Variants in USP25 observed in about 807,000 individuals in gnomAD.
The protein encoded by USP25 is ubiquitin specific peptidase 25.
A neutral mutation model predicts 158.5 loss-of-function variants in USP25; 85 were observed. That is an observed-to-expected ratio of 0.54 (90% CI 0.45 to 0.64). USP25 has a LOEUF of 0.64. Ranked by LOEUF, USP25 falls within the 30% of genes least tolerant of loss-of-function variation. The pLI, the probability that USP25 is intolerant of heterozygous loss-of-function variation, is 0.00. For missense variants in USP25, 1,242 were observed against 1,327.3 expected (o/e 0.94, Z 1.00); for synonymous variants, 464 against 460.4 (o/e 1.01, Z -0.10).
At chr21:15,872,207 G>A (rs572540391) in intron 23 of USP25, among the ~76,000 whole-genome samples, 1 of 152,030 alleles carries the variant, frequency 6.6e-6, no homozygotes, top group South Asian at 2.1e-4. Flanking sequence ...AATCATGGTT[G>A]CAAGAACCAT....
intron 14 of USP25, among the ~76,000 whole-genome samples, 167 bp downstream of exon 14, chr21:15,827,370 C>T (rs1009859089): frequency 2.6e-5 from 4 of 152,102 alleles, no homozygotes; most frequent in Admixed American, 1.3e-4. Context: ...TTTTTATAAT[C>T]TCAATATCAG....
chr21:15,774,489 C>CT (rs1003339219), intron 3 of USP25, among the ~76,000 whole-genome samples: 122 of 149,658 alleles, frequency 8.2e-4, no homozygotes, highest in Middle Eastern at 3.4e-3. Context: ...AACAGGCTCA[C>CT]TTTTTTTTTT....
intron 4 of USP25, among the ~76,000 whole-genome samples, chr21:15,789,083 T>C (rs932954827): frequency 2.0e-5 from 3 of 152,034 alleles, no homozygotes; most frequent in Non-Finnish European, 4.4e-5. Flanking sequence ...AGAAAGTACA[T>C]TTGAGGCCAC....
At chr21:15,841,666 T>G (rs1408461068) in intron 17 of USP25, among the ~76,000 whole-genome samples, 3 of 152,140 alleles carry the variant, frequency 2.0e-5, no homozygotes, top group Non-Finnish European at 4.4e-5. Flanking sequence ...TTGTCAAAAT[T>G]TATATATATG....
At chr21:15,820,319 T>A (rs1258774026) in intron 10 of USP25, among the ~76,000 whole-genome samples, 1 of 152,052 alleles carries the variant, frequency 6.6e-6, no homozygotes, top group African/African-American at 2.4e-5. Context: ...CTTTTAAAAA[T>A]TTTTATTGTA....
At chr21:15,853,478 GT>G (rs886691354) in intron 20 of USP25, among the ~76,000 whole-genome samples, 2 of 152,002 alleles carry the variant, frequency 1.3e-5, no homozygotes, top group Non-Finnish European at 2.9e-5. Flanking sequence ...ATTTGAATTA[GT>G]TTAGAGTACT....
rs150211023 is a variant in USP25 at position 15,766,955 on chromosome 21, T to G, written c.268+814T>G. Among the ~76,000 whole-genome samples the G allele has an allele frequency of 6.6e-6, 1 of 152,210 alleles. No homozygotes were observed. Among genetic ancestry groups the G allele is most frequent in the East Asian group, 1.9e-4 (1 of 5,188 alleles). Reference sequence around the variant, plus strand: ...CGTTTACATAGATGTTTATTAATGTTTATTGATAAAATATTTTAATTTTTA... The same window carrying G: ...CGTTTACATAGATGTTTATTAATGTGTATTGATAAAATATTTTAATTTTTA... On this transcript the variant is annotated intron_variant, in intron 3 of 25. Transcript: ENST00000400183. The surrounding 1 kb of genome is among the most constrained non-coding windows in gnomAD (Gnocchi z 4.0).
chr21:15,736,659 C>CT (rs2031550781), intron 1 of USP25, among the ~76,000 whole-genome samples: 1 of 150,800 alleles, frequency 6.6e-6, no homozygotes, highest in Admixed American at 6.6e-5. Flanking sequence ...ACATTAATAG[C>CT]TTTTTTCGGT....
intron 1 of USP25, among the ~76,000 whole-genome samples, chr21:15,745,797 C>T (rs2032507158): frequency 6.6e-6 from 1 of 152,074 alleles, no homozygotes; most frequent in Non-Finnish European, 1.5e-5. Context: ...TTTCTTGAAA[C>T]TTAGTTTGTA....
intron 1 of USP25, among the ~76,000 whole-genome samples, chr21:15,760,123 C>G (rs185833014): frequency 1.6e-3 from 249 of 152,366 alleles, no homozygotes; most frequent in African/African-American, 5.6e-3. Flanking sequence ...TTCATTTTCA[C>G]AGCAGCCTTT....
At chr21:15,811,042 GTT>G in intron 8 of USP25, 93 bp from the exon 9 acceptor site, 1 of 1,096,898 alleles carries the variant, frequency 9.1e-7, no homozygotes, top group Admixed American at 2.3e-5. Context: ...CCACATAAGT[GTT>G]TTTGTCTTGT....
chr21:15,878,503 A>G lies in USP25; in HGVS notation c.*28A>G, dbSNP rs2146624310. On this transcript the variant is annotated 3_prime_UTR_variant, in exon 26 of 26. Coordinates refer to ENST00000400183, the MANE Select transcript of USP25 (RefSeq NM_001283041.3). Reference sequence around the variant, plus strand: ...TGCACACTTTCCCTGAACACACTGTATAAACTCTTTTTAGTTCTTAACCCT... The same window carrying G: ...TGCACACTTTCCCTGAACACACTGTGTAAACTCTTTTTAGTTCTTAACCCT... 1.3e-6 allele frequency: 2 copies of G among 1,597,110 alleles called. No individual in the cohort carries two copies. Among genetic ancestry groups the G allele is most frequent in the Non-Finnish European group, 8.5e-7 (1 of 1,170,202 alleles).
chr21:15,871,128 C>T (rs530013308), intron 23 of USP25, among the ~76,000 whole-genome samples: 2 of 152,132 alleles, frequency 1.3e-5, no homozygotes, highest in East Asian at 3.9e-4. Context: ...TAATAGTTAT[C>T]AAAATTTTTA....
intron 2 of USP25, among the ~76,000 whole-genome samples, chr21:15,765,097 C>T (rs1423370179): frequency 6.6e-6 from 1 of 152,136 alleles, no homozygotes; most frequent in Non-Finnish European, 1.5e-5. Flanking sequence ...AAACACTCCA[C>T]TGGCTTCTTA....
intron 4 of USP25, among the ~76,000 whole-genome samples, chr21:15,778,753 C>T (rs2034796548): frequency 6.6e-6 from 1 of 151,992 alleles, no homozygotes; most frequent in South Asian, 2.1e-4. Flanking sequence ...ATTTAATAAG[C>T]CATAAAGTTG....
At chr21:15,755,645 A>G (rs1431997389) in intron 1 of USP25, among the ~76,000 whole-genome samples, 3 of 152,180 alleles carry the variant, frequency 2.0e-5, no homozygotes, top group African/African-American at 7.2e-5. Context: ...AAATGAGAGT[A>G]TATATTGGAA....
chr21:15,847,715 T>C lies in USP25; in HGVS notation c.2390T>C (p.Val797Ala), dbSNP rs1291318135. Reference protein sequence around the residue: ...QPLSNQRVVEVAIPHVGKFMI... With the variant: ...QPLSNQRVVEAAIPHVGKFMI... ...CTTTCTAATCAGCGAGTTGTAGAGG[T>C]GGCGATCCCTCATGTAGGGAAATTT... The change falls in exon 19 of 26, where the codon GTG becomes GCG. Residue 797 changes from valine (V) to alanine (A), a missense_variant. Val to Ala is a moderately conservative substitution (Grantham distance 64). Around this residue, in one of 3 missense-constraint regions of USP25, gnomAD observed 608 missense variants for 605.2 expected, o/e 1.00. Coordinates refer to ENST00000400183, the MANE Select transcript of USP25 (RefSeq NM_001283041.3). 75 of 1,550,062 alleles carry C rather than the reference T, an allele frequency of 4.8e-5. No homozygotes were observed. The highest frequency in any genetic ancestry group is 6.1e-5 in the Non-Finnish European group (70 of 1,146,696).
intron 7 of USP25, among the ~76,000 whole-genome samples, chr21:15,807,231 A>G (rs1397016802): frequency 6.6e-6 from 1 of 152,206 alleles, no homozygotes; most frequent in Non-Finnish European, 1.5e-5. Context: ...CTTGGCCCCA[A>G]TTGATACTGT....
rs181566934 is a variant in USP25 at position 15,874,885 on chromosome 21, A to G, written c.3009+359A>G. Among the ~76,000 whole-genome samples, 316 of 152,310 alleles carry G rather than the reference A, an allele frequency of 2.1e-3. 3 individuals carry two copies. Among genetic ancestry groups the G allele is most frequent in the Admixed American group, 3.7e-3 (57 of 15,302 alleles). On this transcript the variant is annotated intron_variant, in intron 24 of 25. Coordinates refer to ENST00000400183, the MANE Select transcript of USP25 (RefSeq NM_001283041.3). ...TTTATGTAAGTCTATAAGAATATGC[A>G]GGCTGGCGCAGCAGCTCATGCCTGT...
Sources: allele counts gnomAD v4.1 joint callset (sites outside exome capture counted in the v4.1 genomes callset), GRCh38; gene constraint gnomAD v4.1.1; regional missense constraint gnomAD v4.1.1; non-coding constraint Gnocchi (gnomAD v3.1); transcripts MANE v1.5; gene names NCBI Gene and HGNC (gene_info 2026-07-23, HGNC 2026-07-21).